Variants in GRAMD1B observed in about 807,000 individuals in gnomAD.
GRAMD1B encodes protein Aster-B.
A neutral mutation model predicts 99.7 loss-of-function variants in GRAMD1B; 37 were observed. The ratio of observed to expected loss-of-function variants is 0.37; its 90% CI spans 0.29 to 0.49. GRAMD1B has a LOEUF of 0.49. Ranked by LOEUF, GRAMD1B falls within the 20% of genes least tolerant of loss-of-function variation. The pLI, the probability that GRAMD1B is intolerant of heterozygous loss-of-function variation, is 0.98. For synonymous variants in GRAMD1B, 427 were observed against 387.6 expected, an observed-to-expected ratio of 1.10 and a Z score of -1.19; for missense variants, 888 against 1,009.2, an observed-to-expected ratio of 0.88 and a Z score of 1.63.
intron 1 of GRAMD1B, among the ~76,000 whole-genome samples, chr11:123,477,590 T>C: frequency 6.9e-6 from 1 of 145,540 alleles, no homozygotes; most frequent in Non-Finnish European, 1.5e-5. Context: ...GGCCTCCCTT[T>C]CCCCTCCCTC....
chr11:123,424,765 C>T (rs965690363), intron 1 of GRAMD1B, among the ~76,000 whole-genome samples: 2 of 152,148 alleles, frequency 1.3e-5, no homozygotes, highest in Non-Finnish European at 2.9e-5. Context: ...CCAGTCACAC[C>T]TCTTGTGCAC....
chr11:123,538,354 G>A (rs905486770), intron 2 of GRAMD1B, among the ~76,000 whole-genome samples: 4 of 152,042 alleles, frequency 2.6e-5, no homozygotes, highest in African/African-American at 9.7e-5. Context: ...GCTTGGCATG[G>A]TGGAACAGCC....
At chr11:123,597,741 C>T (rs1951458364) in intron 7 of GRAMD1B, among the ~76,000 whole-genome samples, 1 of 152,204 alleles carries the variant, frequency 6.6e-6, no homozygotes, top group Non-Finnish European at 1.5e-5. Context: ...GTTTTATTTT[C>T]TTGCAGAATC....
chr11:123,550,117 T>C (rs7129323), intron 2 of GRAMD1B, among the ~76,000 whole-genome samples: 33,821 of 152,012 alleles, frequency 0.22, 5,544 homozygotes, highest in African/African-American at 0.45. Context: ...GTTCTCTAAG[T>C]AACTCACATC....
chr11:123,439,418 A>G lies in GRAMD1B; in HGVS notation c.374+8252A>G, dbSNP rs1949307632. On this transcript the variant is annotated intron_variant, in intron 1 of 19. Coordinates refer to ENST00000635736, the MANE Select transcript of GRAMD1B (RefSeq NM_001387025.1). ...ATATCCTCTTCTGTTATCAGACCAC[A>G]TGTCTGGATTTTCGATTCAGATATT... is the stretch of plus-strand genomic sequence containing the variant. 2.6e-5 allele frequency among the ~76,000 whole-genome samples: 4 copies of G among 152,152 alleles called. No individual in the cohort carries two copies. In the South Asian group the frequency reaches 8.3e-4, roughly 32 times the overall value.
rs181369149 is a variant in GRAMD1B at position 123,544,774 on chromosome 11, C to T, written c.453-32593C>T. On this transcript the variant is annotated intron_variant, in intron 2 of 19. Transcript: ENST00000635736. ...GGGCATTGCCACCAGGGCCCCCGGG[C>T]CCCAAAGTGCCAAAAAGGCAGCCTC... is the stretch of plus-strand genomic sequence containing the variant. 4.6e-3 allele frequency among the ~76,000 whole-genome samples: 703 copies of T among 152,338 alleles called. 5 individuals carry two copies. The highest frequency in any genetic ancestry group is 0.016 in the African/African-American group (662 of 41,576).
intron 1 of GRAMD1B, among the ~76,000 whole-genome samples, chr11:123,364,674 T>C (rs1946258907): frequency 6.6e-6 from 1 of 152,164 alleles, no homozygotes; most frequent in Non-Finnish European, 1.5e-5. Flanking sequence ...GCTTCCCAGA[T>C]ACAAGGCTCC....
chr11:123,578,461 C>T (rs1948974900), intron 3 of GRAMD1B: 2 of 1,487,294 alleles, frequency 1.3e-6, no homozygotes, highest in East Asian at 4.9e-5. Context: ...GTCCTTTTAT[C>T]TCCCCTCTAG....
chr11:123,412,319 C>T (rs1255889366), intron 1 of GRAMD1B, among the ~76,000 whole-genome samples: 2 of 152,290 alleles, frequency 1.3e-5, no homozygotes, highest in East Asian at 3.9e-4. Flanking sequence ...TAAAGAAAAA[C>T]TAAAGCCATT....
At chr11:123,475,442 A>G (rs1951218031) in intron 1 of GRAMD1B, among the ~76,000 whole-genome samples, 1 of 152,164 alleles carries the variant, frequency 6.6e-6, no homozygotes. Flanking sequence ...AGAGCTTCCC[A>G]TCTTATTTAG....
chr11:123,496,553 CT>C (rs1374381578), intron 2 of GRAMD1B, among the ~76,000 whole-genome samples: 1 of 151,362 alleles, frequency 6.6e-6, no homozygotes, highest in African/African-American at 2.4e-5. Context: ...CTTTCTACCC[CT>C]ATCTCTTTCT....
intron 3 of GRAMD1B, among the ~76,000 whole-genome samples, 170 bp from the exon 4 acceptor site, chr11:123,584,142 C>G (rs1437208690): frequency 6.6e-6 from 1 of 151,814 alleles, no homozygotes; most frequent in Non-Finnish European, 1.5e-5. Flanking sequence ...CTTTCTGGAA[C>G]TGCCTTGAGA....
chr11:123,526,973 G>A (rs557865839), intron 2 of GRAMD1B, among the ~76,000 whole-genome samples: 8 of 152,284 alleles, frequency 5.3e-5, no homozygotes, highest in African/African-American at 1.9e-4. Flanking sequence ...ATTTTGCTTG[G>A]AAAACTTTGC....
intron 2 of GRAMD1B, among the ~76,000 whole-genome samples, chr11:123,551,412 C>T (rs774817756): frequency 1.3e-5 from 2 of 152,164 alleles, no homozygotes; most frequent in East Asian, 1.9e-4. Context: ...AGGGACTCTA[C>T]GATGTTGTAC....
chr11:123,488,600 G>A (rs2846318), intron 2 of GRAMD1B, among the ~76,000 whole-genome samples: 24,949 of 152,122 alleles, frequency 0.16, 2,157 homozygotes, highest in Middle Eastern at 0.22. Context: ...GTGTCGGAAC[G>A]GAGGTGTGAA....
At chr11:123,468,410 C>T (rs765026097) in intron 1 of GRAMD1B, among the ~76,000 whole-genome samples, 39 of 152,110 alleles carry the variant, frequency 2.6e-4, no homozygotes, top group Non-Finnish European at 4.6e-4. Context: ...ATGGGACCAT[C>T]GCTCTCAAAT....
chr11:123,568,692 G>A (rs1019343346), intron 2 of GRAMD1B, among the ~76,000 whole-genome samples: 3 of 152,212 alleles, frequency 2.0e-5, no homozygotes, highest in African/African-American at 4.8e-5. Context: ...AATCTAGGCC[G>A]AAGTGTGGCA....
intron 2 of GRAMD1B, among the ~76,000 whole-genome samples, chr11:123,567,259 T>C (rs1378270371): frequency 1.3e-5 from 2 of 152,020 alleles, no homozygotes; most frequent in Admixed American, 1.3e-4. Context: ...GTTGAGGAAA[T>C]AGTTGGATTC....
intron 1 of GRAMD1B, among the ~76,000 whole-genome samples, chr11:123,418,631 T>C (rs1367580656): frequency 6.6e-6 from 1 of 152,196 alleles, no homozygotes; most frequent in Non-Finnish European, 1.5e-5. Flanking sequence ...CTTAGTGTGA[T>C]ATGATAATCT....
Sources: gnomAD v4.1 joint callset for allele counts (sites outside exome capture counted in the v4.1 genomes callset) on GRCh38, gnomAD v4.1.1 for gene constraint, MANE v1.5 for transcripts, NCBI Gene and HGNC (gene_info 2026-07-23, HGNC 2026-07-21) for gene names.